ADGRL4: variants seen among roughly 807,000 people sequenced by gnomAD.
ADGRL4 encodes adhesion G protein-coupled receptor L4, also known as EGF, latrophilin and seven transmembrane domain containing 1.
Under a neutral mutation model 74.8 loss-of-function variants are expected in ADGRL4, and 90 were observed. The observed-to-expected ratio is 1.20, with a 90% CI of 1.02 to 1.43. The LOEUF is 1.43. ADGRL4 is among the 40% of genes most tolerant of loss of function. The pLI is 0.00. For missense variants in ADGRL4, 881 were observed against 814.3 expected (o/e 1.08, Z -1.00); for synonymous variants, 311 against 279.2 (o/e 1.11, Z -1.14).
intron 10 of ADGRL4, 144 bp from the exon 11 acceptor site, chr1:78,918,194 A>T (rs1648924410): frequency 4.8e-6 from 3 of 624,302 alleles, no homozygotes; most frequent in Non-Finnish European, 8.2e-6. Context: ...TCATATTAAA[A>T]TACCATGTCA....
At chr1:78,918,130 G>A in intron 10 of ADGRL4, 80 bp from the exon 11 acceptor site, 2 of 1,146,964 alleles carry the variant, frequency 1.7e-6, no homozygotes, top group Non-Finnish European at 2.5e-6. Context: ...TACTTTCGCT[G>A]TAAATCACAA....
At position 78,919,701 on chromosome 1, in the gene ADGRL4, T is replaced by C. The variant is rs142071080; in HGVS notation, c.1461+482A>G. The stretch of plus-strand genomic sequence containing the variant: ...TCTAGGAGGACCCAGACCAATACAA[T>C]ATGAAACCTTTTGGGAAGGTTCAAA... On this transcript the variant is annotated intron_variant, in intron 10 of 14. Coordinates refer to ENST00000370742, the MANE Select transcript of ADGRL4 (RefSeq NM_022159.4). 3.1e-4 allele frequency among the ~76,000 whole-genome samples: 47 copies of C among 151,976 alleles called. No individual in the cohort carries two copies. The East Asian group carries it at 9.0e-3, about 29-fold the overall frequency.
intron 12 of ADGRL4, among the ~76,000 whole-genome samples, chr1:78,908,015 G>T (rs1242057473): frequency 2.0e-5 from 3 of 151,974 alleles, no homozygotes; most frequent in Non-Finnish European, 4.4e-5. Flanking sequence ...ATGAGAGAAA[G>T]AAATCAAGAC....
At chr1:78,983,084 A>G (rs1157858215) in intron 2 of ADGRL4, among the ~76,000 whole-genome samples, 1 of 151,894 alleles carries the variant, frequency 6.6e-6, no homozygotes, top group Admixed American at 6.6e-5. Context: ...AACAGCAGAA[A>G]GTGACCCTGA....
chr1:78,979,585 A>G (rs933161645), intron 2 of ADGRL4, among the ~76,000 whole-genome samples: 1 of 152,008 alleles, frequency 6.6e-6, no homozygotes, highest in Non-Finnish European at 1.5e-5. Flanking sequence ...AATATGAAAA[A>G]GACACACGCA....
chr1:78,934,700 T>C (rs1649317066), intron 7 of ADGRL4, among the ~76,000 whole-genome samples: 1 of 151,912 alleles, frequency 6.6e-6, no homozygotes, highest in African/African-American at 2.4e-5. Flanking sequence ...CTTCAACAAA[T>C]TTACAAGAAA....
chr1:78,931,779 A>G (rs943987141), intron 7 of ADGRL4, among the ~76,000 whole-genome samples: 8 of 151,440 alleles, frequency 5.3e-5, no homozygotes, highest in Non-Finnish European at 7.4e-5. Context: ...GGAGTTGGCA[A>G]TCTTACTCTC....
chr1:78,984,373 T>C (rs138251703), intron 2 of ADGRL4, among the ~76,000 whole-genome samples: 2 of 151,826 alleles, frequency 1.3e-5, no homozygotes, highest in East Asian at 3.9e-4. Flanking sequence ...TTATACAAAC[T>C]AAAATTAGAA....
intron 2 of ADGRL4, among the ~76,000 whole-genome samples, chr1:78,991,195 G>A (rs532661032): frequency 1.3e-5 from 2 of 152,146 alleles, no homozygotes; most frequent in Admixed American, 1.3e-4. Context: ...CCAAAAGCAC[G>A]AAGTGCTAGA....
chr1:78,957,130 G>A (rs533800998), intron 2 of ADGRL4, among the ~76,000 whole-genome samples: 3 of 152,116 alleles, frequency 2.0e-5, no homozygotes, highest in African/African-American at 4.8e-5. Flanking sequence ...TAAATGTTGC[G>A]TGTTCTGACT....
chr1:78,923,943 A>T (rs1649056704), intron 8 of ADGRL4, among the ~76,000 whole-genome samples: 1 of 151,896 alleles, frequency 6.6e-6, no homozygotes, highest in Non-Finnish European at 1.5e-5. Flanking sequence ...CCTAAAACTG[A>T]AGACCATACA....
At chr1:78,922,793 G>A (rs1300812790) in intron 8 of ADGRL4, among the ~76,000 whole-genome samples, 1 of 151,808 alleles carries the variant, frequency 6.6e-6, no homozygotes, top group Non-Finnish European at 1.5e-5. Flanking sequence ...GAGTAATATA[G>A]AATCAAACTC....
At chr1:78,919,925 A>G (rs1648960298) in intron 10 of ADGRL4, among the ~76,000 whole-genome samples, 1 of 151,976 alleles carries the variant, frequency 6.6e-6, no homozygotes, top group Non-Finnish European at 1.5e-5. Flanking sequence ...ACAAAAAAGT[A>G]TTTATTCAGT....
intron 8 of ADGRL4, among the ~76,000 whole-genome samples, chr1:78,921,990 C>T (rs531810778): frequency 2.6e-5 from 4 of 152,060 alleles, no homozygotes; most frequent in African/African-American, 7.2e-5. Context: ...GTCTCACAAA[C>T]GTGTGGTAAT....
At chr1:78,959,323 C>T (rs1649896326) in intron 2 of ADGRL4, among the ~76,000 whole-genome samples, 1 of 152,016 alleles carries the variant, frequency 6.6e-6, no homozygotes, top group African/African-American at 2.4e-5. Context: ...AAATGAAAGC[C>T]CAATTATCAG....
At chr1:78,998,258 T>G (rs76848727) in intron 2 of ADGRL4, among the ~76,000 whole-genome samples, 11 of 48,748 alleles carry the variant, frequency 2.3e-4, no homozygotes, top group South Asian at 6.0e-4. Flanking sequence ...CATTGCTTTT[T>G]TTTTTTTTTC....
chr1:78,894,753 T>A (rs1008176270), intron 12 of ADGRL4, among the ~76,000 whole-genome samples: 2 of 151,888 alleles, frequency 1.3e-5, no homozygotes, highest in Non-Finnish European at 2.9e-5. Context: ...AAATAATTTT[T>A]ATGAGGTATT....
chr1:78,926,594 C>T (rs116711563), intron 8 of ADGRL4, among the ~76,000 whole-genome samples: 7,128 of 151,872 alleles, frequency 0.047, 238 homozygotes, highest in African/African-American at 0.083. Flanking sequence ...ACTCATTCTT[C>T]GAAACCATGG....
intron 9 of ADGRL4, among the ~76,000 whole-genome samples, chr1:78,921,167 G>C (rs1648991308): frequency 6.6e-6 from 1 of 151,552 alleles, no homozygotes; most frequent in Admixed American, 6.6e-5. Flanking sequence ...TAAAAATCTT[G>C]TGGCGTTCTA....
Sources: allele counts gnomAD v4.1 joint callset (sites outside exome capture counted in the v4.1 genomes callset), GRCh38; gene constraint gnomAD v4.1.1; transcripts MANE v1.5; gene names NCBI Gene and HGNC (gene_info 2026-07-23, HGNC 2026-07-21).